The following B3GNT3 variants were observed in gnomAD, a reference collection of about 807,000 sequenced individuals.
B3GNT3 encodes the protein UDP-GlcNAc:betaGal beta-1,3-N-acetylglucosaminyltransferase 3, also known as N-acetyllactosaminide beta-1,3-N-acetylglucosaminyltransferase 3.
In B3GNT3, 7 loss-of-function variants were observed where a neutral mutation model predicts 11.6. The ratio of observed to expected loss-of-function variants is 0.60; its 90% CI spans 0.34 to 1.13. The LOEUF (loss-of-function observed/expected upper bound fraction) is 1.13. Among genes scored for constraint, B3GNT3 ranks in the 50% most tolerant of loss-of-function variants. The pLI is 0.03. For missense variants in B3GNT3, 400 were observed against 507.4 expected (o/e 0.79, Z 2.03); for synonymous variants, 201 against 222.1 (o/e 0.90, Z 0.85).
Position 17,807,968 on chromosome 19 carries a change from C to G in B3GNT3, c.161C>G (p.Thr54Ser), listed in dbSNP as rs146286421. Residue 54 changes from threonine (T) to serine (S), a missense_variant, in exon 2 of 3, where the codon ACC (threonine) becomes AGC (serine). Coordinates refer to ENST00000318683, the MANE Select transcript of B3GNT3 (RefSeq NM_014256.4). The part of the protein sequence containing the change: ...PEALAWPTPP[T>S]RPAPAPCHAN... ...GCCCTGGCCTGGCCCACTCCACCCA[C>G]CCGCCCAGCCCCGGCCCCGTGCCAT... 6.2e-7 allele frequency: 1 copy of G among 1,610,284 alleles called. No homozygotes were observed. The highest frequency in any genetic ancestry group is 1.1e-5 in the South Asian group (1 of 90,682).
chr19:17,796,985 T>C (rs2094160211), intron 1 of B3GNT3, among the ~76,000 whole-genome samples: 1 of 152,170 alleles, frequency 6.6e-6, no homozygotes, highest in South Asian at 2.1e-4. Context: ...CTCCTCATGA[T>C]GGTGAGGTCA....
chr19:17,801,587 G>A (rs1470177820), intron 1 of B3GNT3, among the ~76,000 whole-genome samples: 3 of 152,072 alleles, frequency 2.0e-5, no homozygotes, highest in Non-Finnish European at 4.4e-5. Context: ...GGGCTCAAGC[G>A]ATTCTCCTGC....
intron 1 of B3GNT3, among the ~76,000 whole-genome samples, chr19:17,807,266 G>A (rs1049991954): frequency 7.2e-5 from 11 of 151,828 alleles, no homozygotes; most frequent in Non-Finnish European, 1.3e-4. Context: ...GAGGCAGGTG[G>A]ATCACTTGAG....
chr19:17,807,147 T>TGTG (rs1290665537), intron 1 of B3GNT3, among the ~76,000 whole-genome samples: 6 of 149,176 alleles, frequency 4.0e-5, no homozygotes, highest in East Asian at 4.0e-4. Context: ...TGTGTGTGTA[T>TGTG]TGGAGCAGGA....
intron 1 of B3GNT3, among the ~76,000 whole-genome samples, chr19:17,801,300 C>T (rs979961280): frequency 6.6e-6 from 1 of 151,476 alleles, no homozygotes; most frequent in Non-Finnish European, 1.5e-5. Flanking sequence ...TCAAGCGATC[C>T]TCCCACCTCA....
intron 1 of B3GNT3, among the ~76,000 whole-genome samples, chr19:17,804,703 C>T (rs2094170966): frequency 6.6e-6 from 1 of 151,356 alleles, no homozygotes; most frequent in Non-Finnish European, 1.5e-5. Flanking sequence ...AGCCACCACG[C>T]CCTGCTAATT....
At chr19:17,804,043 A>G (rs2094169597) in intron 1 of B3GNT3, among the ~76,000 whole-genome samples, 2 of 152,100 alleles carry the variant, frequency 1.3e-5, no homozygotes, top group East Asian at 1.9e-4. Context: ...TTCCTGGCTT[A>G]TAGGCCATGG....
chr19:17,803,155 G>A (rs2094168458), intron 1 of B3GNT3, among the ~76,000 whole-genome samples: 1 of 152,050 alleles, frequency 6.6e-6, no homozygotes, highest in Non-Finnish European at 1.5e-5. Context: ...ACAGGCGTGT[G>A]CCACCACACC....
In B3GNT3 at chr19:17,808,377, G is replaced by A. The variant is rs745775666; in HGVS notation, c.567+3G>A. On this transcript the variant is annotated splice_donor_region_variant and intron_variant, in intron 2 of 2. Coordinates refer to ENST00000318683, the MANE Select transcript of B3GNT3 (RefSeq NM_014256.4). Reference sequence around the variant, plus strand: ...TCTTCAACCTCACGCTCAAGCAGGTGCGCTGGACTGGGGTCACCTGATCGG... The same window carrying A: ...TCTTCAACCTCACGCTCAAGCAGGTACGCTGGACTGGGGTCACCTGATCGG... The A allele has an allele frequency of 4.4e-6, 7 of 1,598,036 alleles. No homozygotes were observed. The South Asian group carries it at 7.8e-5, about 18-fold the overall frequency.
In B3GNT3 at chr19:17,808,272, G is replaced by T. The variant is rs751928815; in HGVS notation, c.465G>T (p.Glu155Asp). 6.2e-7 allele frequency: 1 copy of T among 1,613,600 alleles called. No individual in the cohort carries two copies. Among genetic ancestry groups the T allele is most frequent in the South Asian group, 1.1e-5 (1 of 91,084 alleles). The part of the protein sequence containing the change: ...FLVGTASNPH[E>D]ARKVNRLLEL... ...TGGGCACAGCCTCCAACCCGCACGAGGCCCGCAAGGTCAACCGGCTGCTGG... is the reference window on the plus strand; with the variant it reads ...TGGGCACAGCCTCCAACCCGCACGATGCCCGCAAGGTCAACCGGCTGCTGG... Residue 155 changes from glutamate to aspartate, a missense_variant, in exon 2 of 3, where the codon GAG (glutamate) becomes GAT (aspartate). Coordinates refer to ENST00000318683, the MANE Select transcript of B3GNT3 (RefSeq NM_014256.4).
intron 1 of B3GNT3, among the ~76,000 whole-genome samples, chr19:17,801,579 G>A (rs2094166255): frequency 6.6e-6 from 1 of 152,026 alleles, no homozygotes; most frequent in Non-Finnish European, 1.5e-5. Context: ...GAACTCCTGG[G>A]CTCAAGCGAT....
intron 1 of B3GNT3, among the ~76,000 whole-genome samples, chr19:17,804,794 G>A (rs1355775904): frequency 1.3e-5 from 2 of 151,788 alleles, no homozygotes; most frequent in African/African-American, 4.8e-5. Flanking sequence ...CTGACCTCAG[G>A]TGATCCACCA....
intron 1 of B3GNT3, among the ~76,000 whole-genome samples, chr19:17,800,841 C>A (rs903573256): frequency 1.3e-5 from 2 of 151,992 alleles, no homozygotes; most frequent in African/African-American, 4.8e-5. Context: ...GTGGTACATG[C>A]CTGTAATCCC....
rs749817298 is a variant in B3GNT3, at chr19:17,807,762, C to T, written c.-46C>T. 4 of 1,540,076 alleles carry T rather than the reference C, an allele frequency of 2.6e-6. No homozygotes were observed. Among genetic ancestry groups the T allele is most frequent in the Admixed American group, 3.9e-5 (2 of 50,898 alleles). On this transcript the variant is annotated 5_prime_UTR_variant, in exon 2 of 3. Coordinates refer to ENST00000318683, the MANE Select transcript of B3GNT3 (RefSeq NM_014256.4). ...AGTGAGTTTTGTTTTCCACAGGAGC[C>T]GCCCAGGAGGCTCCTCAGGCCGACC...
In B3GNT3 at chr19:17,807,746, T is replaced by G; in HGVS notation, c.-50-12T>G. On this transcript the variant is annotated splice_polypyrimidine_tract_variant and intron_variant, in intron 1 of 2. Transcript: ENST00000318683. ...CTCATGGCGAGTGTTCAGTGAGTTT[T>G]GTTTTCCACAGGAGCCGCCCAGGAG... 1 of 1,486,006 alleles carries G rather than the reference T, an allele frequency of 6.7e-7. No individual in the cohort carries two copies. The highest frequency in any genetic ancestry group is 9.1e-7 in the Non-Finnish European group (1 of 1,095,840). The allele number at this position is 1,486,006 out of a possible 1,614,324, so 92.1% of individuals were successfully genotyped here.
At chr19:17,798,963 A>T (rs2094162560) in intron 1 of B3GNT3, among the ~76,000 whole-genome samples, 1 of 152,046 alleles carries the variant, frequency 6.6e-6, no homozygotes, top group Non-Finnish European at 1.5e-5. Context: ...ACAGAGCAAG[A>T]TCCTGTCTCA....
rs1224486254 is a variant in B3GNT3 at position 17,808,319 on chromosome 19, G to C, written c.512G>C (p.Gly171Ala). ...RLLELEAQTH[G>A]DILQWDFHDS... ...CTGGAGCTGGAGGCACAGACTCACG[G>C]AGACATCCTGCAGTGGGACTTCCAC... The change falls in exon 2 of 3, where the codon GGA (glycine) becomes GCA (alanine). Residue 171 changes from glycine to alanine, a missense_variant. Coordinates refer to ENST00000318683, the MANE Select transcript of B3GNT3 (RefSeq NM_014256.4). The C allele has an allele frequency of 3.1e-6, 5 of 1,612,814 alleles. No homozygotes were observed. The Admixed American group carries it at 5.0e-5, about 16-fold the overall frequency.
intron 1 of B3GNT3, among the ~76,000 whole-genome samples, chr19:17,797,941 C>A (rs1285388351): frequency 6.6e-6 from 1 of 152,206 alleles, no homozygotes; most frequent in Non-Finnish European, 1.5e-5. Context: ...GAACCACCCA[C>A]AGGGGCTGGC....
Position 17,812,278 on chromosome 19 carries a change from A to G in B3GNT3, c.*156A>G. Reference sequence around the variant, plus strand: ...TGAATATTCTGGCTGGCGAACTCCTACACATCCTTCAAAACCCACCTGGTA... The same window carrying G: ...TGAATATTCTGGCTGGCGAACTCCTGCACATCCTTCAAAACCCACCTGGTA... On this transcript the variant is annotated 3_prime_UTR_variant, in exon 3 of 3. Coordinates refer to ENST00000318683, the MANE Select transcript of B3GNT3 (RefSeq NM_014256.4). The G allele has an allele frequency of 2.5e-6, 2 of 810,760 alleles. No homozygotes were observed. Among genetic ancestry groups the G allele is most frequent in the Non-Finnish European group, 3.8e-6 (2 of 531,754 alleles). 50.2% of individuals were successfully genotyped at this position (810,760 alleles called of 1,614,324 possible).
Sources: gnomAD v4.1 joint callset for allele counts (sites outside exome capture counted in the v4.1 genomes callset) on GRCh38, gnomAD v4.1.1 for gene constraint, MANE v1.5 for transcripts, NCBI Gene and HGNC (gene_info 2026-07-23, HGNC 2026-07-21) for gene names.